TLK1: variants seen among roughly 807,000 people sequenced by gnomAD.
TLK1 encodes the protein serine/threonine-protein kinase tousled-like 1.
TLK1 carries 24 observed loss-of-function variants against 105.3 expected under a neutral mutation model. The observed-to-expected ratio is 0.23, with a 90% CI of 0.17 to 0.32. TLK1 has a LOEUF of 0.32. Ranked by LOEUF, TLK1 falls within the 10% of genes least tolerant of loss-of-function variation. The probability of loss-of-function intolerance (pLI) is 1.00; values close to 1 mark genes in which losing one functional copy is unlikely to be tolerated. For missense variants in TLK1, 558 were observed against 910.5 expected (o/e 0.61, Z 4.98); for synonymous variants, 321 against 310.4 (o/e 1.03, Z -0.36).
chr2:171,170,314 A>G (rs868079453), intron 1 of TLK1, among the ~76,000 whole-genome samples: 38 of 152,396 alleles, frequency 2.5e-4, no homozygotes, highest in African/African-American at 8.7e-4. Flanking sequence ...TTGATTTAAT[A>G]TAAACATGAG....
intron 13 of TLK1, among the ~76,000 whole-genome samples, chr2:171,013,132 C>T (rs942727714): frequency 2.0e-5 from 3 of 151,770 alleles, no homozygotes; most frequent in Non-Finnish European, 4.4e-5. Flanking sequence ...CCTGCCTCAG[C>T]CTCCCAAGTA....
chr2:171,147,724 A>G (rs1691846745), intron 1 of TLK1, among the ~76,000 whole-genome samples: 1 of 152,204 alleles, frequency 6.6e-6, no homozygotes, highest in Admixed American at 6.5e-5. Context: ...TGTAGCTCAC[A>G]GATGTAGATT....
intron 2 of TLK1, among the ~76,000 whole-genome samples, chr2:171,106,810 T>C (rs1314697893): frequency 6.6e-6 from 1 of 152,224 alleles, no homozygotes; most frequent in Admixed American, 6.5e-5. Flanking sequence ...ACAACTGTCA[T>C]ACATTCTGTA....
chr2:171,118,890 G>A (rs573038543), intron 1 of TLK1, among the ~76,000 whole-genome samples: 31 of 152,052 alleles, frequency 2.0e-4, no homozygotes, highest in African/African-American at 7.2e-4. Context: ...ATCCTCACCT[G>A]GACAGAGGAC....
intron 3 of TLK1, among the ~76,000 whole-genome samples, chr2:171,076,555 A>C (rs2105469187): frequency 6.6e-6 from 1 of 152,174 alleles, no homozygotes; most frequent in East Asian, 1.9e-4. Context: ...AGATAGTGAA[A>C]GTGCTACAAG....
chr2:171,076,225 G>A (rs552310652), intron 3 of TLK1, among the ~76,000 whole-genome samples: 9 of 151,856 alleles, frequency 5.9e-5, no homozygotes, highest in South Asian at 2.1e-4. Context: ...CTCGGAGGGC[G>A]GGGGGAGAAA....
intron 3 of TLK1, among the ~76,000 whole-genome samples, chr2:171,071,208 T>C (rs1310902763): frequency 6.6e-6 from 1 of 152,252 alleles, no homozygotes; most frequent in Non-Finnish European, 1.5e-5. Flanking sequence ...AAATATTTTC[T>C]CCTACTCTGT....
chr2:171,168,974 AG>A (rs1692669688), intron 1 of TLK1, among the ~76,000 whole-genome samples: 2 of 152,092 alleles, frequency 1.3e-5, no homozygotes, highest in Admixed American at 1.3e-4. Flanking sequence ...GCTACTTGGG[AG>A]GCTGAGGCAG....
In TLK1 at chr2:171,160,590, G is replaced by T; in HGVS notation, c.-162C>A. The T allele has an allele frequency of 3.5e-6, 4 of 1,153,420 alleles. No homozygotes were observed. The South Asian group carries it at 4.6e-5, about 13-fold the overall frequency. 71.4% of individuals were successfully genotyped at this position (1,153,420 alleles called of 1,614,324 possible). A position where few individuals can be genotyped will look rare whatever the true frequency, so the allele number is the denominator to read the frequency against. Reference sequence around the variant, plus strand: ...GATGGGGGAGGAAACCGAGAAGAGGGGAGGTGGGGAGGAAAGAGGTGAGGG... The same window carrying T: ...GATGGGGGAGGAAACCGAGAAGAGGTGAGGTGGGGAGGAAAGAGGTGAGGG... On this transcript the variant is annotated 5_prime_UTR_variant, in exon 1 of 21. Transcript: ENST00000431350. The surrounding 1 kb of genome is among the most constrained non-coding windows in gnomAD (Gnocchi z 4.4).
intron 1 of TLK1, among the ~76,000 whole-genome samples, chr2:171,155,307 T>G (rs1433579682): frequency 6.6e-6 from 1 of 152,196 alleles, no homozygotes; most frequent in Non-Finnish European, 1.5e-5. Context: ...ACAACTCTAC[T>G]AAACTGTATC....
At chr2:171,064,997 A>G (rs961397281) in intron 3 of TLK1, among the ~76,000 whole-genome samples, 5 of 151,778 alleles carry the variant, frequency 3.3e-5, no homozygotes, top group Non-Finnish European at 5.9e-5. Flanking sequence ...AGGTTTTTAT[A>G]TCTAATCATG....
At chr2:170,996,356 G>A (rs1268274536) in intron 20 of TLK1, among the ~76,000 whole-genome samples, 2 of 152,098 alleles carry the variant, frequency 1.3e-5, no homozygotes, top group South Asian at 2.1e-4. Context: ...AACATAAGCA[G>A]ATAAAATAAT....
chr2:171,220,251 C>T (rs1367261926), intron 1 of TLK1, among the ~76,000 whole-genome samples: 2 of 152,144 alleles, frequency 1.3e-5, no homozygotes, highest in African/African-American at 4.8e-5. Flanking sequence ...ATTCTTCAGC[C>T]TCCCAAAGAT....
chr2:171,113,555 G>T (rs1008857649), intron 2 of TLK1, among the ~76,000 whole-genome samples: 1 of 152,014 alleles, frequency 6.6e-6, no homozygotes, highest in Non-Finnish European at 1.5e-5. Flanking sequence ...TTACAAGCGT[G>T]AGCCACCACA....
intron 1 of TLK1, among the ~76,000 whole-genome samples, chr2:171,148,223 T>A (rs531926512): frequency 2.6e-5 from 4 of 152,020 alleles, no homozygotes; most frequent in African/African-American, 4.8e-5. Flanking sequence ...ATATTGCAAA[T>A]TTTGAAAGGG....
At chr2:171,158,595 CGAATGAAT>C (rs370984092) in intron 1 of TLK1, among the ~76,000 whole-genome samples, 88 of 151,908 alleles carry the variant, frequency 5.8e-4, no homozygotes, top group Middle Eastern at 3.4e-3. Flanking sequence ...ATTCGAGAAA[CGAATGAAT>C]GAATGAATGA....
chr2:171,188,831 G>T (rs1390152963), intron 1 of TLK1, among the ~76,000 whole-genome samples: 1 of 150,442 alleles, frequency 6.6e-6, no homozygotes, highest in Non-Finnish European at 1.5e-5. Flanking sequence ...GCCGAGATCA[G>T]GCCACTGCAC....
At chr2:171,058,665 T>A (rs1009371229) in intron 4 of TLK1, among the ~76,000 whole-genome samples, 2 of 152,194 alleles carry the variant, frequency 1.3e-5, no homozygotes, top group East Asian at 3.8e-4. Flanking sequence ...TAAATATTGC[T>A]CATATATGAC....
intron 11 of TLK1, among the ~76,000 whole-genome samples, chr2:171,032,896 T>G (rs2555924): frequency 0.043 from 6,595 of 152,150 alleles, 422 homozygotes; most frequent in African/African-American, 0.14. Context: ...CTAAATATAG[T>G]AACTAAAACT....
Sources: gnomAD v4.1 joint callset for allele counts (sites outside exome capture counted in the v4.1 genomes callset) on GRCh38, gnomAD v4.1.1 for gene constraint, Gnocchi (gnomAD v3.1) non-coding constraint, MANE v1.5 for transcripts, NCBI Gene and HGNC (gene_info 2026-07-23, HGNC 2026-07-21) for gene names.